Variants in BMERB1 observed in about 807,000 individuals in gnomAD.
BMERB1 encodes bMERB domain-containing protein 1.
In BMERB1, 12 loss-of-function variants were observed where a neutral mutation model predicts 23.6. That is an observed-to-expected ratio of 0.51 (90% confidence interval 0.33 to 0.82). The LOEUF (loss-of-function observed/expected upper bound fraction) is 0.82, where lower values mean the gene tolerates loss of function less well. BMERB1 is among the 40% of genes least tolerant of loss of function. The pLI, the probability that BMERB1 is intolerant of heterozygous loss-of-function variation, is 0.03. For missense variants in BMERB1, 247 were observed against 255.4 expected (o/e 0.97, Z 0.22); for synonymous variants, 122 against 96.6 (o/e 1.26, Z -1.54).
intron 2 of BMERB1, among the ~76,000 whole-genome samples, chr16:15,559,927 A>G (rs544342004): frequency 6.6e-6 from 1 of 152,220 alleles, no homozygotes; most frequent in African/African-American, 2.4e-5. Flanking sequence ...ATAGCTGATG[A>G]GCTTAAAAAA....
intron 1 of BMERB1, among the ~76,000 whole-genome samples, chr16:15,505,652 G>A (rs2051580450): frequency 6.6e-6 from 1 of 152,144 alleles, no homozygotes; most frequent in South Asian, 2.1e-4. Flanking sequence ...CACTTTGGGA[G>A]GCCGAGGTGG....
intron 3 of BMERB1, among the ~76,000 whole-genome samples, chr16:15,575,780 G>A (rs759788954): frequency 1.5e-4 from 23 of 152,190 alleles, no homozygotes; most frequent in East Asian, 1.9e-4. Context: ...AAATGAAGTA[G>A]TGGCCCACAA....
intron 1 of BMERB1, among the ~76,000 whole-genome samples, chr16:15,465,616 G>A (rs1486480464): frequency 6.6e-6 from 1 of 152,056 alleles, no homozygotes; most frequent in Non-Finnish European, 1.5e-5. Context: ...GCCTCCCAAA[G>A]TGCTGGTATT....
chr16:15,468,057 A>T (rs1027262457), intron 1 of BMERB1, among the ~76,000 whole-genome samples: 7 of 150,270 alleles, frequency 4.7e-5, no homozygotes, highest in African/African-American at 1.7e-4. Context: ...GTGTAGCAGG[A>T]TTCAGAGAGA....
rs531300396 is a variant in BMERB1, at chr16:15,463,265, A to G, written c.106+28506A>G. Reference sequence around the variant, plus strand: ...GGCCAATTAAATCAATTAAATATATATATATTTTGTAGAGGCGGGGATCTC... The same window carrying G: ...GGCCAATTAAATCAATTAAATATATGTATATTTTGTAGAGGCGGGGATCTC... On this transcript the variant is annotated intron_variant, in intron 1 of 5. Transcript: ENST00000300006. 2.7e-3 allele frequency among the ~76,000 whole-genome samples: 396 copies of G among 148,018 alleles called. 13 individuals are homozygous for G. The highest frequency in any genetic ancestry group is 0.01 in the African/African-American group (383 of 37,666).
intron 1 of BMERB1, among the ~76,000 whole-genome samples, chr16:15,480,118 A>T (rs2051307095): frequency 6.9e-6 from 1 of 144,828 alleles, no homozygotes; most frequent in South Asian, 2.2e-4. Context: ...GATTTTATTA[A>T]TTTTTTTTTT....
At chr16:15,569,938 A>G (rs576788009) in intron 3 of BMERB1, among the ~76,000 whole-genome samples, 2 of 152,286 alleles carry the variant, frequency 1.3e-5, no homozygotes, top group Non-Finnish European at 2.9e-5. Flanking sequence ...AGTTGGTGGA[A>G]AAGGTTATAA....
chr16:15,578,638 T>C (rs2030931457), intron 3 of BMERB1, among the ~76,000 whole-genome samples: 1 of 151,784 alleles, frequency 6.6e-6, no homozygotes, highest in Admixed American at 6.6e-5. Flanking sequence ...GGCTGGGAGG[T>C]GCAAGATCAA....
At chr16:15,520,138 T>A (rs185766470) in intron 2 of BMERB1, among the ~76,000 whole-genome samples, 73 of 152,172 alleles carry the variant, frequency 4.8e-4, no homozygotes, top group African/African-American at 1.7e-3. Context: ...AATGAGGAAA[T>A]TGAGGTCGGA....
chr16:15,498,438 T>C (rs958288357), intron 1 of BMERB1, among the ~76,000 whole-genome samples: 2 of 152,034 alleles, frequency 1.3e-5, no homozygotes, highest in African/African-American at 4.8e-5. Context: ...GTGGGAGGAT[T>C]GCTTGAGCCC....
rs763411988 is a variant in BMERB1 at position 15,583,257 on chromosome 16, C to T, written c.502+19C>T. The stretch of plus-strand genomic sequence containing the variant: ...CCAGCCAGTGAGTATATACATTATT[C>T]ATTCCCCTCCCCCACAAAAGAGAAA... On this transcript the variant is annotated intron_variant, in intron 5 of 5. Coordinates refer to ENST00000300006, the MANE Select transcript of BMERB1 (RefSeq NM_033201.3). The T allele has an allele frequency of 6.5e-6, 10 of 1,539,614 alleles. No individual in the cohort carries two copies. Among genetic ancestry groups the T allele is most frequent in the Non-Finnish European group, 9.0e-6 (10 of 1,112,494 alleles).
intron 3 of BMERB1, 52 bp downstream of exon 3, chr16:15,568,108 G>C: frequency 6.5e-7 from 1 of 1,533,896 alleles, no homozygotes. Flanking sequence ...GGGGCCCCCA[G>C]CCTGGCCCAT....
chr16:15,556,338 C>T (rs915420511), intron 2 of BMERB1, among the ~76,000 whole-genome samples: 5 of 152,202 alleles, frequency 3.3e-5, no homozygotes, highest in Admixed American at 2.6e-4. Context: ...TGTGCAAAAC[C>T]GTGGGCTGCC....
At chr16:15,496,110 AATG>A (rs973493547) in intron 1 of BMERB1, among the ~76,000 whole-genome samples, 2 of 144,750 alleles carry the variant, frequency 1.4e-5, no homozygotes, top group African/African-American at 2.9e-5. Flanking sequence ...TGGGGATAGT[AATG>A]ATGGTGATAA....
chr16:15,524,606 A>G (rs1183998395), intron 2 of BMERB1, among the ~76,000 whole-genome samples: 1 of 152,076 alleles, frequency 6.6e-6, no homozygotes, highest in East Asian at 1.9e-4. Flanking sequence ...CATCTCTACT[A>G]AAAATACAAA....
intron 1 of BMERB1, among the ~76,000 whole-genome samples, chr16:15,495,469 CA>C (rs2051464440): frequency 6.6e-6 from 1 of 151,612 alleles, no homozygotes. Context: ...GGGTTCACAC[CA>C]TTCTCCTGCC....
At chr16:15,562,754 A>G (rs1207353542) in intron 2 of BMERB1, among the ~76,000 whole-genome samples, 1 of 152,186 alleles carries the variant, frequency 6.6e-6, no homozygotes, top group Non-Finnish European at 1.5e-5. Context: ...TCTCTGCAAA[A>G]GCGTCTGGAG....
intron 2 of BMERB1, among the ~76,000 whole-genome samples, chr16:15,562,907 A>G (rs1385627679): frequency 6.6e-6 from 1 of 152,046 alleles, no homozygotes; most frequent in Non-Finnish European, 1.5e-5. Context: ...GCCTCTGACA[A>G]CAAGAGATGC....
intron 1 of BMERB1, among the ~76,000 whole-genome samples, chr16:15,500,281 G>A (rs912717477): frequency 5.3e-5 from 8 of 152,134 alleles, no homozygotes; most frequent in African/African-American, 1.9e-4. Flanking sequence ...GACCTGTGGG[G>A]CCTGCACCGC....
Sources: gnomAD v4.1 joint callset for allele counts (sites outside exome capture counted in the v4.1 genomes callset) on GRCh38, gnomAD v4.1.1 for gene constraint, MANE v1.5 for transcripts, NCBI Gene and HGNC (gene_info 2026-07-23, HGNC 2026-07-21) for gene names.